Variants in CLDN10 observed in about 807,000 individuals in gnomAD.
The protein encoded by CLDN10 is claudin 10, also known as claudin-10.
A neutral mutation model predicts 22.9 loss-of-function variants in CLDN10; 15 were observed. That is an observed-to-expected ratio of 0.65 (90% CI 0.44 to 1.01). The LOEUF is 1.01. Among genes scored for constraint, CLDN10 ranks in the 50% least tolerant of loss-of-function variants. CLDN10 has a pLI of 0.00. For synonymous variants in CLDN10, 114 were observed against 111.4 expected (o/e 1.02, Z -0.15); for missense variants, 247 against 287.8 (o/e 0.86, Z 1.03).
At chr13:95,500,056 T>C (rs2042968634) in intron 1 of CLDN10, among the ~76,000 whole-genome samples, 1 of 151,584 alleles carries the variant, frequency 6.6e-6, no homozygotes, top group Non-Finnish European at 1.5e-5. Context: ...TGCTCTATGT[T>C]AAATGTTCCC....
chr13:95,520,197 G>C (rs944525636), intron 1 of CLDN10, among the ~76,000 whole-genome samples: 1 of 152,054 alleles, frequency 6.6e-6, no homozygotes, highest in Non-Finnish European at 1.5e-5. Context: ...TATTAATAAA[G>C]GCTCTTGGTC....
rs1457795243 is a variant in CLDN10, at chr13:95,579,463, A to C, written c.*1449A>C. On this transcript the variant is annotated 3_prime_UTR_variant, in exon 5 of 5. Coordinates refer to ENST00000299339, the MANE Select transcript of CLDN10 (RefSeq NM_006984.5). ...TGTTTTCATCCTGCATTTACAGAAA[A>C]AGAAATGAAAACAGAGAGCTTAAAT... The C allele has an allele frequency of 8.5e-5, 13 of 152,246 alleles. No individual in the cohort carries two copies. The highest frequency in any genetic ancestry group is 3.3e-4 in the Admixed American group (5 of 15,284). The allele number at this position is 152,246 out of a possible 1,614,324, so 9.4% of individuals were successfully genotyped here.
intron 1 of CLDN10, among the ~76,000 whole-genome samples, chr13:95,537,765 G>A (rs988281882): frequency 6.6e-6 from 1 of 152,184 alleles, no homozygotes; most frequent in East Asian, 1.9e-4. Context: ...CTACCTGCCT[G>A]GTAATTTGCT....
intron 1 of CLDN10, among the ~76,000 whole-genome samples, chr13:95,441,317 G>A (rs368561456): frequency 4.6e-5 from 7 of 152,044 alleles, no homozygotes; most frequent in East Asian, 1.9e-4. Flanking sequence ...GTGCAGTGGC[G>A]TGATCACAGC....
At chr13:95,508,918 T>C (rs369360294) in intron 1 of CLDN10, among the ~76,000 whole-genome samples, 1 of 152,218 alleles carries the variant, frequency 6.6e-6, no homozygotes, top group South Asian at 2.1e-4. Flanking sequence ...AAGAAGAGTC[T>C]GAACTTTATC....
chr13:95,547,843 A>C (rs1477342356), upstream of CLDN10, among the ~76,000 whole-genome samples: 1 of 152,226 alleles, frequency 6.6e-6, no homozygotes, highest in Admixed American at 6.5e-5. Context: ...ACTGCCTCTC[A>C]CATACACATC....
intron 1 of CLDN10, among the ~76,000 whole-genome samples, chr13:95,477,633 AACAACTGCAAAGGTGC>A (rs2139110436): frequency 6.6e-6 from 1 of 152,322 alleles, no homozygotes; most frequent in African/African-American, 2.4e-5. Flanking sequence ...CAAAACAGAG[AACAACTGCAAAGGTGC>A]ACATGCGGAA....
chr13:95,452,071 T>C (rs1334817145), intron 1 of CLDN10, among the ~76,000 whole-genome samples: 1 of 152,242 alleles, frequency 6.6e-6, no homozygotes, highest in Non-Finnish European at 1.5e-5. Context: ...TAATGATCTA[T>C]TCTGGAATTT....
At chr13:95,564,683 C>T (rs2043759901) in intron 3 of CLDN10, among the ~76,000 whole-genome samples, 1 of 152,178 alleles carries the variant, frequency 6.6e-6, no homozygotes, top group Non-Finnish European at 1.5e-5. Flanking sequence ...GTTAGGAAAA[C>T]ACAACTAAGC....
At chr13:95,466,720 A>T (rs551398354) in intron 1 of CLDN10, among the ~76,000 whole-genome samples, 15 of 152,270 alleles carry the variant, frequency 9.9e-5, no homozygotes, top group African/African-American at 3.4e-4. Flanking sequence ...ACGTCAAGGT[A>T]GGCAAAAAAA....
chr13:95,488,611 T>C (rs889937158), intron 1 of CLDN10, among the ~76,000 whole-genome samples: 7 of 152,138 alleles, frequency 4.6e-5, no homozygotes, highest in African/African-American at 7.2e-5. Context: ...TGAGAACATA[T>C]GATGTTTGGT....
chr13:95,552,641 G>GGGCGGGGACGGTGGGCGGA, upstream of CLDN10: 2 of 1,317,718 alleles, frequency 1.5e-6, no homozygotes, highest in Middle Eastern at 2.7e-4. Flanking sequence ...GCGGGGTGGT[G>GGGCGGGGACGGTGGGCGGA]GGCGGGGACG....
At chr13:95,571,000 C>A (rs949601172) in intron 3 of CLDN10, among the ~76,000 whole-genome samples, 19 of 151,082 alleles carry the variant, frequency 1.3e-4, no homozygotes, top group African/African-American at 4.6e-4. Flanking sequence ...AAAGTAATTG[C>A]GTTTTTGTCA....
At chr13:95,437,717 T>G (rs1310251174) in intron 1 of CLDN10, among the ~76,000 whole-genome samples, 1 of 152,032 alleles carries the variant, frequency 6.6e-6, no homozygotes, top group Non-Finnish European at 1.5e-5. Context: ...AAGGATGGAG[T>G]GTGCTGAATT....
intron 1 of CLDN10, among the ~76,000 whole-genome samples, chr13:95,455,209 A>C (rs1183342363): frequency 6.6e-6 from 1 of 152,154 alleles, no homozygotes; most frequent in East Asian, 1.9e-4. Context: ...AAAAAAAAAA[A>C]AAACTATTTT....
intron 3 of CLDN10, among the ~76,000 whole-genome samples, chr13:95,574,137 T>A (rs2043895527): frequency 6.6e-6 from 1 of 152,354 alleles, no homozygotes; most frequent in Non-Finnish European, 1.5e-5. Flanking sequence ...ACATTTGGGT[T>A]GGTTCCAAGT....
intron 1 of CLDN10, among the ~76,000 whole-genome samples, chr13:95,517,791 A>G (rs4468475): frequency 0.86 from 130,860 of 151,604 alleles, 56,669 homozygotes; most frequent in East Asian, 0.96. Flanking sequence ...AAAATTAGCC[A>G]GGCGTGGTGG....
At chr13:95,480,352 C>T (rs951482721) in intron 1 of CLDN10, among the ~76,000 whole-genome samples, 2 of 152,230 alleles carry the variant, frequency 1.3e-5, no homozygotes, top group African/African-American at 4.8e-5. Context: ...AGAGCAGTCT[C>T]TGAAGGCCCT....
At chr13:95,491,742 G>GT (rs944854124) in intron 1 of CLDN10, among the ~76,000 whole-genome samples, 2 of 152,024 alleles carry the variant, frequency 1.3e-5, no homozygotes, top group Non-Finnish European at 2.9e-5. Flanking sequence ...GAACAGCCTT[G>GT]TTTTGTCATA....
Sources: allele counts gnomAD v4.1 joint callset (sites outside exome capture counted in the v4.1 genomes callset), GRCh38; gene constraint gnomAD v4.1.1; transcripts MANE v1.5; gene names NCBI Gene and HGNC (gene_info 2026-07-23, HGNC 2026-07-21).